The following GHR variants were observed in gnomAD, a reference collection of about 807,000 sequenced individuals.
GHR encodes growth hormone receptor, also known as GH receptor.
Under a neutral mutation model 67.1 loss-of-function variants are expected in GHR, and 35 were observed. That is an observed-to-expected ratio of 0.52 (90% CI 0.40 to 0.69). The LOEUF is 0.69. Ranked by LOEUF, GHR falls within the 30% of genes least tolerant of loss-of-function variation. GHR has a pLI of 0.00. For synonymous variants in GHR, 272 were observed against 269.1 expected (o/e 1.01, Z -0.10); for missense variants, 792 against 764.6 (o/e 1.04, Z -0.42).
chr5:42,675,241 C>T (rs549401813), intron 3 of GHR, among the ~76,000 whole-genome samples: 1 of 152,272 alleles, frequency 6.6e-6, no homozygotes, highest in East Asian at 1.9e-4. Context: ...AGTTATAGGT[C>T]TTTGAGGTCA....
At position 42,571,031 on chromosome 5, in the gene GHR, T is replaced by C. The variant is rs142203200; in HGVS notation, c.70+5087T>C. Reference sequence around the variant, plus strand: ...TCTAATTAACCTGTGGATTTTTGACTCGGGGAACTATCAGTGCCTTCTTTT... The same window carrying C: ...TCTAATTAACCTGTGGATTTTTGACCCGGGGAACTATCAGTGCCTTCTTTT... On this transcript the variant is annotated intron_variant, in intron 2 of 9. Coordinates refer to ENST00000230882, the MANE Select transcript of GHR (RefSeq NM_000163.5). 3.7e-3 allele frequency among the ~76,000 whole-genome samples: 568 copies of C among 152,296 alleles called. 3 individuals carry two copies. Among genetic ancestry groups the C allele is most frequent in the African/African-American group, 0.013 (544 of 41,558 alleles).
rs143005146 is a variant in GHR, at chr5:42,569,779, G to A, written c.70+3835G>A. Among the ~76,000 whole-genome samples, 335 of 152,038 alleles carry A rather than the reference G, an allele frequency of 2.2e-3. 2 individuals are homozygous for A. Among genetic ancestry groups the A allele is most frequent in the African/African-American group, 7.7e-3 (320 of 41,424 alleles). On this transcript the variant is annotated intron_variant, in intron 2 of 9. Coordinates refer to ENST00000230882, the MANE Select transcript of GHR (RefSeq NM_000163.5). ...CACTATATGTATATAGTATATGTAT[G>A]TGCACACCAGTGAGGTGTGGCTTGC...
At chr5:42,586,488 G>C (rs537470688) in intron 2 of GHR, among the ~76,000 whole-genome samples, 1 of 152,332 alleles carries the variant, frequency 6.6e-6, no homozygotes, top group Admixed American at 6.5e-5. Context: ...TTGGCTCGAT[G>C]ATAAGATAGG....
intron 1 of GHR, among the ~76,000 whole-genome samples, chr5:42,436,412 G>A (rs1460728530): frequency 6.6e-6 from 1 of 152,130 alleles, no homozygotes; most frequent in Non-Finnish European, 1.5e-5. Context: ...AGACCTGGAT[G>A]CATGGTATAC....
At chr5:42,509,352 A>C (rs1746912867) in intron 1 of GHR, among the ~76,000 whole-genome samples, 2 of 152,190 alleles carry the variant, frequency 1.3e-5, no homozygotes, top group African/African-American at 4.8e-5. Flanking sequence ...TCTCCTGGAC[A>C]ACTATGTGAC....
At chr5:42,577,620 T>A (rs1208525808) in intron 2 of GHR, among the ~76,000 whole-genome samples, 1 of 152,214 alleles carries the variant, frequency 6.6e-6, no homozygotes, top group Admixed American at 6.5e-5. Context: ...ACAACTGATA[T>A]TTAAATCCAC....
chr5:42,635,462 T>C (rs914498688), intron 3 of GHR, among the ~76,000 whole-genome samples: 1 of 152,330 alleles, frequency 6.6e-6, no homozygotes, highest in African/African-American at 2.4e-5. Flanking sequence ...AATTAAAGCA[T>C]ACAACTATAT....
At chr5:42,480,791 G>T (rs1381600846) in intron 1 of GHR, among the ~76,000 whole-genome samples, 2 of 152,188 alleles carry the variant, frequency 1.3e-5, no homozygotes, top group Admixed American at 6.5e-5. Context: ...CTCTGCATGT[G>T]AGATGGGTTT....
At chr5:42,567,449 GTTTTTC>G (rs147933282) in intron 2 of GHR, among the ~76,000 whole-genome samples, 53 of 152,162 alleles carry the variant, frequency 3.5e-4, no homozygotes, top group African/African-American at 1.2e-3. Context: ...TTTGCTTTTT[GTTTTTC>G]TTTTTAATAG....
At chr5:42,503,956 G>A (rs898650034) in intron 1 of GHR, among the ~76,000 whole-genome samples, 1 of 152,148 alleles carries the variant, frequency 6.6e-6, no homozygotes, top group African/African-American at 2.4e-5. Context: ...AAAGAAAAGA[G>A]GGGAGCTTTG....
chr5:42,647,058 T>C (rs1754767975), intron 3 of GHR, among the ~76,000 whole-genome samples: 1 of 152,218 alleles, frequency 6.6e-6, no homozygotes, highest in Non-Finnish European at 1.5e-5. Context: ...TTCCATCCAC[T>C]TCAGTACACC....
At chr5:42,480,436 T>C (rs1745570242) in intron 1 of GHR, among the ~76,000 whole-genome samples, 1 of 152,130 alleles carries the variant, frequency 6.6e-6, no homozygotes, top group Non-Finnish European at 1.5e-5. Context: ...AATTCCTGGG[T>C]ATCCTTGTTA....
intron 3 of GHR, among the ~76,000 whole-genome samples, chr5:42,677,381 C>T (rs79282299): frequency 0.011 from 1,747 of 152,288 alleles, 42 homozygotes; most frequent in African/African-American, 0.04. Context: ...TCTACCCTTA[C>T]GAGTGTCATC....
intron 1 of GHR, among the ~76,000 whole-genome samples, chr5:42,533,619 G>T (rs1021084572): frequency 6.6e-6 from 1 of 151,668 alleles, no homozygotes; most frequent in East Asian, 1.9e-4. Flanking sequence ...TTTTTTATAT[G>T]TATGGTATAA....
chr5:42,507,602 G>C lies in GHR; in HGVS notation c.-11-58262G>C, dbSNP rs78856333. 1.5e-3 allele frequency among the ~76,000 whole-genome samples: 222 copies of C among 152,302 alleles called. 2 individuals carry two copies. In the East Asian group the frequency reaches 0.041, roughly 28 times the overall value. On this transcript the variant is annotated intron_variant, in intron 1 of 9. Transcript: ENST00000230882. ...CTCAGAAGTTTCAAGAGACTTCAAG[G>C]GGAAATGTACAGAAGTATGGGTAGG...
At chr5:42,665,652 C>A (rs910186334) in intron 3 of GHR, among the ~76,000 whole-genome samples, 3 of 151,678 alleles carry the variant, frequency 2.0e-5, no homozygotes, top group Non-Finnish European at 2.9e-5. Flanking sequence ...TGCTAAATGA[C>A]GAGTTAATGG....
chr5:42,683,826 A>G (rs1561225250), intron 3 of GHR, among the ~76,000 whole-genome samples: 2 of 152,236 alleles, frequency 1.3e-5, no homozygotes, highest in African/African-American at 4.8e-5. Flanking sequence ...CCACACCCAT[A>G]AATTTCCTAT....
intron 1 of GHR, among the ~76,000 whole-genome samples, chr5:42,463,843 A>G (rs932620145): frequency 9.3e-5 from 14 of 150,690 alleles, no homozygotes; most frequent in Non-Finnish European, 1.9e-4. Context: ...AATACAAAAA[A>G]TTAGCCGGGC....
chr5:42,675,232 G>C (rs531317104), intron 3 of GHR, among the ~76,000 whole-genome samples: 4 of 152,306 alleles, frequency 2.6e-5, no homozygotes, highest in Admixed American at 2.6e-4. Context: ...AGGGTAGTAA[G>C]TTATAGGTCT....
Sources: gnomAD v4.1 joint callset for allele counts (sites outside exome capture counted in the v4.1 genomes callset) on GRCh38, gnomAD v4.1.1 for gene constraint, MANE v1.5 for transcripts, NCBI Gene and HGNC (gene_info 2026-07-23, HGNC 2026-07-21) for gene names.